Variants in KIAA0319 observed in about 807,000 individuals in gnomAD.
KIAA0319 encodes dyslexia-associated protein KIAA0319.
Under a neutral mutation model 108.4 loss-of-function variants are expected in KIAA0319, and 83 were observed. The observed-to-expected ratio is 0.77, with a 90% CI of 0.64 to 0.92. The LOEUF (loss-of-function observed/expected upper bound fraction) is 0.92. KIAA0319 is among the 40% of genes least tolerant of loss of function. The pLI is 0.00. For synonymous variants in KIAA0319, 484 were observed against 510.4 expected (o/e 0.95, Z 0.70); for missense variants, 1,195 against 1,322.4 (o/e 0.90, Z 1.49).
intron 11 of KIAA0319, 107 bp downstream of exon 11, chr6:24,572,468 G>T: frequency 7.9e-7 from 1 of 1,264,274 alleles, no homozygotes; most frequent in Non-Finnish European, 1.1e-6. Context: ...ATGGAGCTTT[G>T]GCACCCACAG....
At chr6:24,645,505 C>T (rs930117251) in intron 1 of KIAA0319, 1 of 152,150 alleles carries the variant, frequency 6.6e-6, no homozygotes, top group African/African-American at 2.4e-5. Flanking sequence ...TAAAAAAATG[C>T]AATTCGTGAG....
In KIAA0319 at chr6:24,572,651, A is replaced by C. The variant is rs1425923808; in HGVS notation, c.1782T>G (p.Asp594Glu). ...CTGTCACCTTCAGCTGAAATGTATA[A>C]TCTCCTTCCTGCATTGCAGATAAAT... ...YLHLSAMQEG[D>E]YTFQLKVTDS... The change falls in exon 11 of 21, where the codon GAT (aspartate) becomes GAG (glutamate). Residue 594 changes from aspartate to glutamate, a missense_variant. Coordinates refer to ENST00000378214, the MANE Select transcript of KIAA0319 (RefSeq NM_014809.4). The C allele has an allele frequency of 1.9e-6, 3 of 1,613,854 alleles. No homozygotes were observed. Among genetic ancestry groups the C allele is most frequent in the African/African-American group, 2.7e-5 (2 of 74,920 alleles).
chr6:24,601,954 T>C (rs1224361679), intron 1 of KIAA0319, among the ~76,000 whole-genome samples: 1 of 152,202 alleles, frequency 6.6e-6, no homozygotes, highest in Non-Finnish European at 1.5e-5. Flanking sequence ...ATTGTCTGCT[T>C]TTATATCCAG....
chr6:24,627,195 G>C (rs1163087262), intron 1 of KIAA0319, among the ~76,000 whole-genome samples: 1 of 152,190 alleles, frequency 6.6e-6, no homozygotes, highest in Admixed American at 6.5e-5. Flanking sequence ...GATGGCTGTT[G>C]TTCCCATGTT....
At chr6:24,588,519 T>G in intron 4 of KIAA0319, 74 bp downstream of exon 4, 1 of 1,334,276 alleles carries the variant, frequency 7.5e-7, no homozygotes. Flanking sequence ...TGAGTAAACT[T>G]TAAAAGTTGT....
chr6:24,639,052 G>A (rs1776580146), intron 1 of KIAA0319, among the ~76,000 whole-genome samples: 1 of 152,058 alleles, frequency 6.6e-6, no homozygotes. Context: ...GGTAAATACA[G>A]CCAATTTTTA....
chr6:24,554,975 C>T (rs1164524914), intron 18 of KIAA0319, among the ~76,000 whole-genome samples: 1 of 152,134 alleles, frequency 6.6e-6, no homozygotes, highest in Non-Finnish European at 1.5e-5. Context: ...AATATTCATT[C>T]CAGAATGCCA....
chr6:24,554,861 C>T lies in KIAA0319; in HGVS notation c.2858-230G>A, dbSNP rs188582524. Among the ~76,000 whole-genome samples the T allele has an allele frequency of 9.5e-4, 144 of 152,274 alleles. 1 individual carries two copies. Among genetic ancestry groups the T allele is most frequent in the Middle Eastern group, 3.4e-3 (1 of 294 alleles). On this transcript the variant is annotated intron_variant, in intron 18 of 20. Coordinates refer to ENST00000378214, the MANE Select transcript of KIAA0319 (RefSeq NM_014809.4). ...TATTGGGTTTCAGGGCCTCACGGAG[C>T]ACATATTTCATGCGAACTTGGGAAC...
chr6:24,568,898 C>T lies in KIAA0319; in HGVS notation c.2023G>A (p.Asp675Asn). 3.1e-6 allele frequency: 5 copies of T among 1,614,138 alleles called. No homozygotes were observed. The highest frequency in any genetic ancestry group is 4.2e-6 in the Non-Finnish European group (5 of 1,180,018). ...GPSAVEMENI[D>N]KAIATVTGLQ... ...CCAGTCACAGTGGCTATTGCTTTGT[C>T]AATATTTTCCATCTCCACTGCACTG... Residue 675 changes from aspartate (D) to asparagine (N), a missense_variant, in exon 13 of 21, where the codon GAC becomes AAC. Transcript: ENST00000378214.
At chr6:24,573,118 A>C (rs1764966493) in intron 10 of KIAA0319, among the ~76,000 whole-genome samples, 1 of 152,108 alleles carries the variant, frequency 6.6e-6, no homozygotes. Flanking sequence ...AAAAGAAAAA[A>C]ATATGTTGGT....
At chr6:24,617,722 C>T (rs2127564236) in intron 1 of KIAA0319, among the ~76,000 whole-genome samples, 1 of 152,310 alleles carries the variant, frequency 6.6e-6, no homozygotes, top group East Asian at 1.9e-4. Flanking sequence ...CGTGGTGGCT[C>T]ATGCCTATAA....
rs999197781 is a variant in KIAA0319 at position 24,595,788 on chromosome 6, G to C, written c.801+85C>G. The stretch of plus-strand genomic sequence containing the variant: ...CCTTAAGCTCATACAGCCTGAATGA[G>C]TGCCCGGCTCCTGAAACTCAGCCCC... On this transcript the variant is annotated intron_variant, in intron 3 of 20. Coordinates refer to ENST00000378214, the MANE Select transcript of KIAA0319 (RefSeq NM_014809.4). The C allele has an allele frequency of 2.1e-6, 3 of 1,450,952 alleles. No individual in the cohort carries two copies. The African/African-American group carries it at 4.3e-5, about 21-fold the overall frequency. 89.9% of individuals were successfully genotyped at this position (1,450,952 alleles called of 1,614,324 possible). A position where few individuals can be genotyped will look rare whatever the true frequency, so the allele number is the denominator to read the frequency against.
intron 19 of KIAA0319, among the ~76,000 whole-genome samples, chr6:24,552,998 G>A (rs1400473392): frequency 6.6e-6 from 1 of 152,040 alleles, no homozygotes; most frequent in East Asian, 1.9e-4. Flanking sequence ...TAAGGACAGA[G>A]GGTTGAGCAT....
intron 1 of KIAA0319, among the ~76,000 whole-genome samples, chr6:24,642,242 AAAG>A (rs1415443322): frequency 3.3e-5 from 5 of 151,910 alleles, no homozygotes; most frequent in Non-Finnish European, 5.9e-5. Context: ...AGAAAGAAAA[AAAG>A]AAAAGAAAGA....
intron 1 of KIAA0319, among the ~76,000 whole-genome samples, chr6:24,609,014 C>G (rs1440750520): frequency 2.0e-5 from 3 of 147,296 alleles, no homozygotes; most frequent in Non-Finnish European, 4.5e-5. Flanking sequence ...GTGAGCCAAC[C>G]GCTCACAGTT....
rs1255046702 is a variant in KIAA0319, at chr6:24,549,418, G to A, written c.3040+2016C>T. Reference sequence around the variant, plus strand: ...GAGGAGGCACCAACTATGAGGAAGCGGCCCTGCCCAGATGTTGAATTTGCC... The same window carrying A: ...GAGGAGGCACCAACTATGAGGAAGCAGCCCTGCCCAGATGTTGAATTTGCC... On this transcript the variant is annotated intron_variant, in intron 20 of 20. Coordinates refer to ENST00000378214, the MANE Select transcript of KIAA0319 (RefSeq NM_014809.4). Among the ~76,000 whole-genome samples the A allele has an allele frequency of 5.3e-5, 8 of 151,876 alleles. No homozygotes were observed. In the South Asian group the frequency reaches 6.2e-4, roughly 12 times the overall value.
At chr6:24,624,016 T>C (rs1774340955) in intron 1 of KIAA0319, among the ~76,000 whole-genome samples, 2 of 96,840 alleles carry the variant, frequency 2.1e-5, no homozygotes, top group African/African-American at 1.2e-4. Flanking sequence ...TTCTTTGTTT[T>C]CTTTTTTTTT....
intron 3 of KIAA0319, among the ~76,000 whole-genome samples, chr6:24,594,428 C>A (rs1422278148): frequency 6.6e-6 from 1 of 151,374 alleles, no homozygotes; most frequent in Non-Finnish European, 1.5e-5. Flanking sequence ...GAGTTCGAAG[C>A]CAGCCTGGCC....
chr6:24,568,957 A>C (rs2127456262), intron 12 of KIAA0319, 28 bp from the exon 13 acceptor site: 1 of 1,608,610 alleles, frequency 6.2e-7, no homozygotes, highest in Non-Finnish European at 8.5e-7. Flanking sequence ...GGTTAACATA[A>C]GGGAGGGGGC....
Sources: allele counts gnomAD v4.1 joint callset (sites outside exome capture counted in the v4.1 genomes callset), GRCh38; gene constraint gnomAD v4.1.1; transcripts MANE v1.5; gene names NCBI Gene and HGNC (gene_info 2026-07-23, HGNC 2026-07-21).